Variants in PPM1B observed in about 807,000 individuals in gnomAD.
PPM1B encodes the protein protein phosphatase, Mg2+/Mn2+ dependent 1B.
In PPM1B, 22 loss-of-function variants were observed where a neutral mutation model predicts 43.0. The observed-to-expected ratio is 0.51, with a 90% CI of 0.37 to 0.73. The LOEUF (loss-of-function observed/expected upper bound fraction) is 0.73. Ranked by LOEUF, PPM1B falls within the 30% of genes least tolerant of loss-of-function variation. The probability of loss-of-function intolerance (pLI) is 0.00; values close to 1 mark genes in which losing one functional copy is unlikely to be tolerated. For synonymous variants in PPM1B, 217 were observed against 197.9 expected (o/e 1.10, Z -0.81); for missense variants, 632 against 584.2 (o/e 1.08, Z -0.84).
At chr2:44,188,715 TTTCCTTCCTTCCTTCCTTCCTTCTTTCC>T (rs1668248724) in intron 1 of PPM1B, among the ~76,000 whole-genome samples, 1 of 142,244 alleles carries the variant, frequency 7.0e-6, no homozygotes, top group Non-Finnish European at 1.6e-5. Flanking sequence ...GCCTGCCTGC[TTTCCTTCCTTCCTTCCTTCCTTCTTTCC>T]TTCCTTCCTT....
chr2:44,178,475 T>TATATATATATATATATATATATATA (rs1491152402), intron 1 of PPM1B, among the ~76,000 whole-genome samples: 2 of 23,926 alleles, frequency 8.4e-5, no homozygotes, highest in African/African-American at 2.1e-4. Context: ...TATATATATA[T>TATATATATATATATATATATATATA]TTTTTTTTTT....
intron 5 of PPM1B, among the ~76,000 whole-genome samples, chr2:44,226,266 C>T (rs1273795393): frequency 2.0e-5 from 3 of 152,028 alleles, no homozygotes; most frequent in Non-Finnish European, 4.4e-5. Flanking sequence ...TGAGCCACTG[C>T]GCCCGACCTA....
At chr2:44,218,379 C>T (rs891947697) in intron 4 of PPM1B, 101 bp from the exon 5 acceptor site, 11 of 855,516 alleles carry the variant, frequency 1.3e-5, no homozygotes, top group Middle Eastern at 2.2e-4. Context: ...ATAGAGTGTA[C>T]CAGTTACTTT....
At chr2:44,179,052 T>C (rs577484019) in intron 1 of PPM1B, among the ~76,000 whole-genome samples, 7 of 152,178 alleles carry the variant, frequency 4.6e-5, no homozygotes, top group Non-Finnish European at 1.0e-4. Context: ...TGGGAGGTAA[T>C]TGAATCATGG....
intron 3 of PPM1B, among the ~76,000 whole-genome samples, chr2:44,216,004 A>C (rs1277787299): frequency 6.6e-6 from 1 of 152,198 alleles, no homozygotes; most frequent in African/African-American, 2.4e-5. Context: ...AGCCAGTAGA[A>C]AACTAGAGGA....
At chr2:44,174,606 A>G (rs892988997) in intron 1 of PPM1B, among the ~76,000 whole-genome samples, 1 of 152,276 alleles carries the variant, frequency 6.6e-6, no homozygotes. Flanking sequence ...AAAATAAAAC[A>G]AATGAATAAG....
At chr2:44,223,843 A>AAGAG (rs1462725669) in intron 5 of PPM1B, among the ~76,000 whole-genome samples, 1 of 132,670 alleles carries the variant, frequency 7.5e-6, no homozygotes, top group African/African-American at 3.2e-5. Flanking sequence ...AAAAAAAAAA[A>AAGAG]AGAGAGAGAG....
intron 3 of PPM1B, among the ~76,000 whole-genome samples, chr2:44,215,188 A>G (rs1031053641): frequency 7.3e-5 from 11 of 150,182 alleles, no homozygotes; most frequent in African/African-American, 2.3e-4. Context: ...GTTGGTACTT[A>G]AAATGTAACT....
rs1421566540 is a variant in PPM1B, at chr2:44,230,192, CAT to C, written c.1135-219_1135-218del. ...AACTTTAAATGACTGTGAAATAAGA[CAT>C]AAACTAGTTAATGGTAATTTGCTTA... is the stretch of plus-strand genomic sequence containing the variant. On this transcript the variant is annotated intron_variant, in intron 5 of 5. Coordinates refer to ENST00000282412, the MANE Select transcript of PPM1B (RefSeq NM_002706.6). The C allele has an allele frequency of 2.1e-5, 30 of 1,418,166 alleles. No homozygotes were observed. The East Asian group carries it at 3.6e-4, about 17-fold the overall frequency. 87.8% of individuals were successfully genotyped at this position (1,418,166 alleles called of 1,614,324 possible).
rs1324011058 is a variant in PPM1B, at chr2:44,201,932, A to G, written c.733A>G (p.Ile245Val). Residue 245 changes from isoleucine to valine, a missense_variant, in exon 2 of 6, where the codon ATC becomes GTC. Around this residue, in one of 3 missense-constraint regions of PPM1B, gnomAD observed 392 missense variants for 302.7 expected, o/e 1.29. Coordinates refer to ENST00000282412, the MANE Select transcript of PPM1B (RefSeq NM_002706.6). This position sits in a 1 kb window ranked among gnomAD's most constrained non-coding sequence, Gnocchi z 5.4. ...ATTTATCATCTTGGCTTGTGATGGG[A>G]TCTGGGATGTTATGAGTAATGAGGA... ...DEFIILACDG[I>V]WDVMSNEELC... 3.7e-6 allele frequency: 6 copies of G among 1,614,126 alleles called. No individual in the cohort carries two copies. The highest frequency in any genetic ancestry group is 1.3e-5 in the African/African-American group (1 of 75,040).
intron 5 of PPM1B, among the ~76,000 whole-genome samples, chr2:44,228,501 T>C (rs1040694623): frequency 1.4e-4 from 21 of 152,180 alleles, no homozygotes; most frequent in African/African-American, 4.6e-4. Flanking sequence ...AAAATAACAT[T>C]CATCTGCTCT....
chr2:44,245,610 A>G (rs971399857), downstream of PPM1B, among the ~76,000 whole-genome samples: 2 of 152,208 alleles, frequency 1.3e-5, no homozygotes, highest in Admixed American at 1.3e-4. Context: ...TACATCAGGT[A>G]CAAAAACCAC....
At position 44,202,003 on chromosome 2, in the gene PPM1B, G is replaced by A; in HGVS notation, c.804G>A (p.Leu268=). The part of the protein sequence containing the change: ...VKSRLEVSDD[L]ENVCNWVVDT... ...CTAGGCTTGAGGTATCTGATGACCT[G>A]GAAAATGTGTGCAATTGGGTAGTGG... is the stretch of plus-strand genomic sequence containing the variant. The change falls in exon 2 of 6, where the codon CTG becomes CTA. Residue 268 remains leucine, a synonymous_variant. Transcript: ENST00000282412. 1.2e-6 allele frequency: 2 copies of A among 1,609,244 alleles called. No individual in the cohort carries two copies. The highest frequency in any genetic ancestry group is 1.7e-6 in the Non-Finnish European group (2 of 1,177,562).
Position 44,244,310 on chromosome 2 carries a change from C to G in PPM1B, n.1629C>G, listed in dbSNP as rs189219505. 2.6e-5 allele frequency: 35 copies of G among 1,360,934 alleles called. No homozygotes were observed. The African/African-American group carries it at 5.0e-4, about 20-fold the overall frequency. The allele number at this position is 1,360,934 out of a possible 1,614,324, so 84.3% of individuals were successfully genotyped here. On this transcript the variant is annotated non_coding_transcript_exon_variant, in exon 6 of 6. Coordinates refer to the PPM1B transcript ENST00000378540. ...GGCAGTGGCTGGCAGACCTTCCAAG[C>G]ACTCAGAAGCACGCGGACAAAAAGG... is the stretch of plus-strand genomic sequence containing the variant.
chr2:44,246,521 T>G (rs1670855900), downstream of PPM1B, among the ~76,000 whole-genome samples: 1 of 152,222 alleles, frequency 6.6e-6, no homozygotes, highest in Admixed American at 6.5e-5. Flanking sequence ...CCTCAGAAAC[T>G]TCTCTTCAGT....
At chr2:44,241,549 T>G (rs556708623) in intron 5 of PPM1B, among the ~76,000 whole-genome samples, 1 of 142,592 alleles carries the variant, frequency 7.0e-6, no homozygotes, top group African/African-American at 2.5e-5. Flanking sequence ...CTGGCCAGCA[T>G]GGTGAAACCC....
chr2:44,226,310 A>G (rs576815247), intron 5 of PPM1B, among the ~76,000 whole-genome samples: 1 of 152,108 alleles, frequency 6.6e-6, no homozygotes, highest in African/African-American at 2.4e-5. Flanking sequence ...CTCTTCCCCA[A>G]CTGTCACTAC....
intron 1 of PPM1B, among the ~76,000 whole-genome samples, chr2:44,170,299 A>G (rs1667269465): frequency 6.6e-6 from 1 of 152,234 alleles, no homozygotes; most frequent in African/African-American, 2.4e-5. Flanking sequence ...TTTGATAGTC[A>G]CAGTTAAAGA....
At chr2:44,186,239 C>T (rs1327265679) in intron 1 of PPM1B, among the ~76,000 whole-genome samples, 1 of 152,162 alleles carries the variant, frequency 6.6e-6, no homozygotes, top group Admixed American at 6.5e-5. Context: ...TACACATTGT[C>T]TAGGAACAGG....
Sources: allele counts gnomAD v4.1 joint callset (sites outside exome capture counted in the v4.1 genomes callset), GRCh38; gene constraint gnomAD v4.1.1; regional missense constraint gnomAD v4.1.1; non-coding constraint Gnocchi (gnomAD v3.1); transcripts MANE v1.5; gene names NCBI Gene and HGNC (gene_info 2026-07-23, HGNC 2026-07-21).